The following CTNNA3 variants were observed in gnomAD, a reference collection of about 807,000 sequenced individuals.
CTNNA3 encodes catenin alpha-3.
Under a neutral mutation model 95.7 loss-of-function variants are expected in CTNNA3, and 76 were observed. The ratio of observed to expected loss-of-function variants is 0.79; its 90% CI spans 0.66 to 0.96. The LOEUF is 0.96. Ranked by LOEUF, CTNNA3 falls within the 40% of genes least tolerant of loss-of-function variation. The pLI is 0.00. For synonymous variants in CTNNA3, 431 were observed against 374.4 expected (o/e 1.15, Z -1.74); for missense variants, 1,191 against 1,089.8 (o/e 1.09, Z -1.31).
At chr10:67,320,009 T>A (rs1394209416) in intron 5 of CTNNA3, among the ~76,000 whole-genome samples, 1 of 152,178 alleles carries the variant, frequency 6.6e-6, no homozygotes, top group African/African-American at 2.4e-5. Flanking sequence ...TATGTTTTAG[T>A]TGGCCAAACT....
intron 9 of CTNNA3, among the ~76,000 whole-genome samples, chr10:66,674,999 A>G (rs1242783240): frequency 1.3e-5 from 2 of 152,062 alleles, no homozygotes; most frequent in East Asian, 1.9e-4. Flanking sequence ...TATTTCAGCT[A>G]TCTTCTCTCT....
At chr10:66,938,263 A>G (rs1847821360) in intron 7 of CTNNA3, among the ~76,000 whole-genome samples, 2 of 152,144 alleles carry the variant, frequency 1.3e-5, no homozygotes, top group Non-Finnish European at 2.9e-5. Flanking sequence ...ACCACTAAAC[A>G]ATGTGAGGGT....
chr10:67,391,759 C>G (rs1207438449), intron 5 of CTNNA3, among the ~76,000 whole-genome samples: 8 of 150,086 alleles, frequency 5.3e-5, no homozygotes, highest in African/African-American at 2.0e-4. Context: ...CGCATATCTA[C>G]AACTATCTGA....
intron 3 of CTNNA3, among the ~76,000 whole-genome samples, chr10:67,591,616 T>A (rs1040735996): frequency 6.6e-6 from 1 of 151,988 alleles, no homozygotes; most frequent in Non-Finnish European, 1.5e-5. Flanking sequence ...AATATGTTAA[T>A]AGAAAATGTC....
intron 3 of CTNNA3, among the ~76,000 whole-genome samples, chr10:67,561,927 A>T (rs1246994348): frequency 6.6e-6 from 1 of 152,196 alleles, no homozygotes; most frequent in Non-Finnish European, 1.5e-5. Context: ...CACCCTCCCA[A>T]GACTAAACCA....
intron 7 of CTNNA3, among the ~76,000 whole-genome samples, chr10:66,956,144 T>A (rs1377191915): frequency 6.6e-6 from 1 of 151,930 alleles, no homozygotes; most frequent in African/African-American, 2.4e-5. Context: ...AGCCTTCATA[T>A]TTCCTACATG....
chr10:67,682,891 C>T (rs560405685), intron 1 of CTNNA3, among the ~76,000 whole-genome samples: 19 of 152,120 alleles, frequency 1.2e-4, no homozygotes, highest in Admixed American at 2.6e-4. Flanking sequence ...GAGTAAAACA[C>T]GACAAAGCTG....
At position 66,197,357 on chromosome 10, in the gene CTNNA3, T is replaced by C. The variant is rs139807450; in HGVS notation, c.1884+83113A>G. 3.6e-3 allele frequency among the ~76,000 whole-genome samples: 541 copies of C among 152,026 alleles called. 3 individuals are homozygous for C. The highest frequency in any genetic ancestry group is 0.012 in the African/African-American group (496 of 41,464). ...AAATCTCTATCTATCTATCTATCTA[T>C]CTATCTATCTATCTATCTATCTATC... On this transcript the variant is annotated intron_variant, in intron 13 of 17. Coordinates refer to ENST00000433211, the MANE Select transcript of CTNNA3 (RefSeq NM_013266.4).
At chr10:66,297,871 G>C (rs2091804286) in intron 12 of CTNNA3, among the ~76,000 whole-genome samples, 1 of 152,170 alleles carries the variant, frequency 6.6e-6, no homozygotes, top group African/African-American at 2.4e-5. Context: ...CAGCTTGCGA[G>C]GATGGAGCCA....
At chr10:67,751,243 C>A in intron 1 of CTNNA3, 1 of 1,250,284 alleles carries the variant, frequency 8.0e-7, no homozygotes, top group African/African-American at 1.5e-5. Context: ...GGTTGAATCT[C>A]CTGGTGAGAT....
At chr10:67,603,189 G>C (rs1843144299) in intron 3 of CTNNA3, among the ~76,000 whole-genome samples, 1 of 152,226 alleles carries the variant, frequency 6.6e-6, no homozygotes, top group Non-Finnish European at 1.5e-5. Flanking sequence ...TCCTGGAAAA[G>C]ATGACCTGGG....
intron 7 of CTNNA3, among the ~76,000 whole-genome samples, chr10:66,897,091 C>T (rs1418225757): frequency 1.3e-5 from 2 of 151,974 alleles, no homozygotes; most frequent in Admixed American, 1.3e-4. Flanking sequence ...TGAGATTACC[C>T]ATCCTGAATC....
At chr10:66,046,250 A>T (rs2079826016) in intron 15 of CTNNA3, among the ~76,000 whole-genome samples, 1 of 152,180 alleles carries the variant, frequency 6.6e-6, no homozygotes, top group Admixed American at 6.5e-5. Flanking sequence ...TGTAACCTTC[A>T]GGTCAGGAGA....
At chr10:66,104,651 C>T (rs544874995) in intron 13 of CTNNA3, among the ~76,000 whole-genome samples, 33 of 152,244 alleles carry the variant, frequency 2.2e-4, no homozygotes, top group African/African-American at 7.9e-4. Flanking sequence ...TGTATGATTC[C>T]TTTGCTACAA....
chr10:67,631,566 G>A (rs1252706211), intron 2 of CTNNA3, among the ~76,000 whole-genome samples: 1 of 152,100 alleles, frequency 6.6e-6, no homozygotes, highest in Non-Finnish European at 1.5e-5. Context: ...ATTTTTAATG[G>A]GACTACTGAA....
intron 12 of CTNNA3, among the ~76,000 whole-genome samples, chr10:66,285,574 T>C (rs866270860): frequency 6.6e-6 from 1 of 151,896 alleles, no homozygotes; most frequent in Non-Finnish European, 1.5e-5. Flanking sequence ...TTTACACAAA[T>C]GTGACTACTT....
intron 7 of CTNNA3, among the ~76,000 whole-genome samples, chr10:67,036,694 A>T (rs1028490379): frequency 6.6e-6 from 1 of 152,142 alleles, no homozygotes; most frequent in Admixed American, 6.5e-5. Context: ...TTTTTAAAGG[A>T]TAAATATCGA....
chr10:66,631,603 A>G (rs1292069185), intron 9 of CTNNA3, among the ~76,000 whole-genome samples: 1 of 152,176 alleles, frequency 6.6e-6, no homozygotes, highest in Non-Finnish European at 1.5e-5. Context: ...TCAAAACCTT[A>G]GCAATCTATG....
At chr10:66,356,220 GA>G (rs1181162772) in intron 12 of CTNNA3, among the ~76,000 whole-genome samples, 1 of 148,536 alleles carries the variant, frequency 6.7e-6, no homozygotes, top group South Asian at 2.1e-4. Context: ...TATATAGCTG[GA>G]AAAAAATTCT....
Sources: allele counts gnomAD v4.1 joint callset (sites outside exome capture counted in the v4.1 genomes callset), GRCh38; gene constraint gnomAD v4.1.1; transcripts MANE v1.5; gene names NCBI Gene and HGNC (gene_info 2026-07-23, HGNC 2026-07-21).